MAGI2: variants seen among roughly 807,000 people sequenced by gnomAD.
MAGI2 encodes membrane-associated guanylate kinase, WW and PDZ domain-containing protein 2.
A neutral mutation model predicts 133.3 loss-of-function variants in MAGI2; 35 were observed. The ratio of observed to expected loss-of-function variants is 0.26; its 90% CI spans 0.20 to 0.35. The LOEUF is 0.35. MAGI2 is among the 10% of genes least tolerant of loss of function. MAGI2 has a pLI of 1.00. For missense variants in MAGI2, 1,636 were observed against 1,863.4 expected (o/e 0.88, Z 2.25); for synonymous variants, 729 against 710.6 (o/e 1.03, Z -0.41).
At chr7:78,601,497 G>A (rs1805204862) in intron 3 of MAGI2, among the ~76,000 whole-genome samples, 1 of 152,164 alleles carries the variant, frequency 6.6e-6, no homozygotes, top group Non-Finnish European at 1.5e-5. Context: ...AAAGTCTTAA[G>A]TCTTAGAATT....
intron 12 of MAGI2, among the ~76,000 whole-genome samples, chr7:78,186,789 C>G (rs1336802941): frequency 6.6e-6 from 1 of 152,116 alleles, no homozygotes; most frequent in East Asian, 1.9e-4. Flanking sequence ...CAATAAAACA[C>G]TTTCTTATTT....
intron 17 of MAGI2, chr7:78,134,601 C>G (rs962992347): frequency 6.2e-6 from 1 of 161,186 alleles, no homozygotes; most frequent in African/African-American, 2.4e-5. Flanking sequence ...CAAAACTTCA[C>G]GTTTTCAAAA....
intron 15 of MAGI2, among the ~76,000 whole-genome samples, chr7:78,161,672 AAAAAAAAAAAAAAAAG>A (rs967834994): frequency 2.1e-4 from 30 of 145,876 alleles, no homozygotes; most frequent in Non-Finnish European, 3.7e-4. Flanking sequence ...ATACCTAAAA[AAAAAAAAAAAAAAAAG>A]AAAAAAAAAA....
chr7:79,057,637 T>A (rs949787697), intron 1 of MAGI2, among the ~76,000 whole-genome samples: 2 of 152,188 alleles, frequency 1.3e-5, no homozygotes, highest in Non-Finnish European at 2.9e-5. Flanking sequence ...TTATTCATTA[T>A]CTTATCGGTC....
At chr7:78,925,752 A>T (rs1286417377) in intron 2 of MAGI2, among the ~76,000 whole-genome samples, 1 of 152,064 alleles carries the variant, frequency 6.6e-6, no homozygotes, top group Non-Finnish European at 1.5e-5. Context: ...AAAAATATTT[A>T]TGTTAAAATA....
chr7:78,429,242 A>C (rs890103132), intron 6 of MAGI2, among the ~76,000 whole-genome samples: 1 of 151,824 alleles, frequency 6.6e-6, no homozygotes, highest in East Asian at 1.9e-4. Context: ...CCCAAACATC[A>C]TCAGAACTCC....
chr7:78,305,407 G>T (rs1400213276), intron 9 of MAGI2, among the ~76,000 whole-genome samples: 2 of 152,158 alleles, frequency 1.3e-5, no homozygotes, highest in Non-Finnish European at 2.9e-5. Context: ...TGCCTCCTCA[G>T]GGTAGAGTGC....
chr7:79,032,612 A>T (rs1300240529), intron 1 of MAGI2, among the ~76,000 whole-genome samples: 3 of 152,022 alleles, frequency 2.0e-5, no homozygotes, highest in Non-Finnish European at 4.4e-5. Flanking sequence ...CCATCAACTT[A>T]TTATGAAATG....
intron 6 of MAGI2, among the ~76,000 whole-genome samples, chr7:78,463,688 T>C (rs894437013): frequency 6.6e-6 from 1 of 152,134 alleles, no homozygotes; most frequent in Non-Finnish European, 1.5e-5. Context: ...GAGAAAGTGA[T>C]GAGCTAGAGA....
intron 1 of MAGI2, among the ~76,000 whole-genome samples, chr7:79,195,015 T>C (rs1827961948): frequency 6.6e-6 from 1 of 151,924 alleles, no homozygotes; most frequent in African/African-American, 2.4e-5. Context: ...TAATATTGAG[T>C]CAAATATTAG....
chr7:78,108,318 C>G (rs1268982786), intron 20 of MAGI2, among the ~76,000 whole-genome samples: 2 of 152,042 alleles, frequency 1.3e-5, no homozygotes, highest in South Asian at 2.1e-4. Flanking sequence ...CAGTTTTATT[C>G]TACTGTGGTG....
chr7:78,847,931 T>C (rs184866515), intron 2 of MAGI2, among the ~76,000 whole-genome samples: 96 of 152,076 alleles, frequency 6.3e-4, no homozygotes, highest in African/African-American at 2.2e-3. Flanking sequence ...ATTTAATAAG[T>C]ATTAACTGAA....
chr7:78,319,101 A>G (rs1787724165), intron 9 of MAGI2, among the ~76,000 whole-genome samples: 1 of 152,244 alleles, frequency 6.6e-6, no homozygotes, highest in South Asian at 2.1e-4. Context: ...GACAGGATCA[A>G]ATTCACATGT....
At chr7:78,781,380 C>CAAAAAAAA (rs748533885) in intron 2 of MAGI2, among the ~76,000 whole-genome samples, 10 of 100,974 alleles carry the variant, frequency 9.9e-5, no homozygotes, top group Non-Finnish European at 1.2e-4. Flanking sequence ...CTCCGTCTCA[C>CAAAAAAAA]AAAAAAAAAA....
chr7:78,380,031 C>G (rs988814303), intron 6 of MAGI2, among the ~76,000 whole-genome samples: 4 of 151,578 alleles, frequency 2.6e-5, no homozygotes, highest in African/African-American at 9.7e-5. Context: ...ACAATTAAAA[C>G]AGTGACCAGA....
At chr7:78,934,590 G>A (rs1272462096) in intron 2 of MAGI2, among the ~76,000 whole-genome samples, 1 of 152,084 alleles carries the variant, frequency 6.6e-6, no homozygotes, top group African/African-American at 2.4e-5. Flanking sequence ...TTTGCTTTCT[G>A]ATGTTGTTTC....
At chr7:78,597,372 C>CT (rs953962958) in intron 3 of MAGI2, among the ~76,000 whole-genome samples, 4 of 80,412 alleles carry the variant, frequency 5.0e-5, no homozygotes, top group Non-Finnish European at 1.1e-4. Context: ...AAATGAATTC[C>CT]TTGGGGGGGG....
chr7:79,117,341 A>G (rs1819495992), intron 1 of MAGI2, among the ~76,000 whole-genome samples: 1 of 152,192 alleles, frequency 6.6e-6, no homozygotes, highest in Admixed American at 6.5e-5. Flanking sequence ...TCTCAAGAGC[A>G]CATGTATATA....
At chr7:78,720,415 T>C (rs1272656530) in intron 2 of MAGI2, among the ~76,000 whole-genome samples, 1 of 152,090 alleles carries the variant, frequency 6.6e-6, no homozygotes, top group East Asian at 1.9e-4. Flanking sequence ...AATAATTAAC[T>C]TGCTCCTAGA....
Sources: gnomAD v4.1 joint callset for allele counts (sites outside exome capture counted in the v4.1 genomes callset) on GRCh38, gnomAD v4.1.1 for gene constraint, MANE v1.5 for transcripts, NCBI Gene and HGNC (gene_info 2026-07-23, HGNC 2026-07-21) for gene names.